The following FNBP1 variants were observed in gnomAD, a reference collection of about 807,000 sequenced individuals.
The protein encoded by FNBP1 is formin-binding protein 1.
FNBP1 carries 26 observed loss-of-function variants against 90.6 expected under a neutral mutation model. The ratio of observed to expected loss-of-function variants is 0.29; its 90% CI spans 0.21 to 0.40. FNBP1 has a LOEUF of 0.40. FNBP1 is among the 10% of genes least tolerant of loss of function. FNBP1 has a pLI of 1.00. For missense variants in FNBP1, 635 were observed against 768.0 expected (o/e 0.83, Z 2.05); for synonymous variants, 260 against 265.2 (o/e 0.98, Z 0.19).
chr9:129,973,563 C>T (rs971846702), intron 4 of FNBP1, among the ~76,000 whole-genome samples: 1 of 152,030 alleles, frequency 6.6e-6, no homozygotes, highest in East Asian at 1.9e-4. Flanking sequence ...TGCAGTGGCG[C>T]GATCTCGGCT....
chr9:130,017,076 T>C (rs1299382561), intron 1 of FNBP1, among the ~76,000 whole-genome samples: 1 of 151,454 alleles, frequency 6.6e-6, no homozygotes, highest in Admixed American at 6.6e-5. Context: ...CAAGACCCCA[T>C]CTCTTTTAAA....
intron 1 of FNBP1, among the ~76,000 whole-genome samples, chr9:129,998,051 C>T (rs1310546762): frequency 6.6e-6 from 1 of 151,008 alleles, no homozygotes; most frequent in Non-Finnish European, 1.5e-5. Context: ...CAAAAATTTG[C>T]CAGGCATGGT....
At chr9:129,946,826 T>C (rs566522234) in intron 6 of FNBP1, among the ~76,000 whole-genome samples, 248 of 152,354 alleles carry the variant, frequency 1.6e-3, no homozygotes, top group Non-Finnish European at 3.0e-3. Context: ...AAGGGAATTA[T>C]TCATTGCCTG....
rs938688758 is a variant in FNBP1, at chr9:129,902,947, G to A, written c.1350C>T (p.Asp450=). The A allele has an allele frequency of 6.2e-7, 1 of 1,609,342 alleles. No individual in the cohort carries two copies. The highest frequency in any genetic ancestry group is 8.5e-7 in the Non-Finnish European group (1 of 1,177,626). ...DVYLKNPQMG[D]PASLDHKLAE... is the part of the protein sequence containing the mutation. ...CTAATTTGTGATCCAAACTGGCTGG[G>A]TCTCCCATCTGAGGATTCTTTAGGT... is the stretch of plus-strand genomic sequence containing the variant. The change falls in exon 13 of 17, where the codon GAC becomes GAT. Residue 450 remains aspartate (D), a synonymous_variant. Transcript: ENST00000446176.
chr9:130,043,418 G>A (rs1009669918), upstream of FNBP1, among the ~76,000 whole-genome samples: 37 of 152,332 alleles, frequency 2.4e-4, 1 homozygote, highest in African/African-American at 8.7e-4. Flanking sequence ...CTGCCAATCT[G>A]GTAATGACTT....
chr9:129,904,515 A>G (rs1015587486), intron 12 of FNBP1, among the ~76,000 whole-genome samples: 1 of 152,220 alleles, frequency 6.6e-6, no homozygotes, highest in African/African-American at 2.4e-5. Flanking sequence ...AGGCCATACA[A>G]TACAATAGAA....
intron 10 of FNBP1, among the ~76,000 whole-genome samples, chr9:129,917,554 C>A (rs971160872): frequency 6.6e-5 from 10 of 151,946 alleles, no homozygotes; most frequent in African/African-American, 2.4e-4. Flanking sequence ...AGGTTGATAT[C>A]GAACTCCTGA....
intron 1 of FNBP1, among the ~76,000 whole-genome samples, chr9:130,039,649 C>T (rs1257521563): frequency 6.7e-6 from 1 of 149,312 alleles, no homozygotes; most frequent in African/African-American, 2.5e-5. Flanking sequence ...GCACTCCAGC[C>T]TGGGCAACAA....
chr9:130,053,716 T>G, the FNBP1 span: 1 of 577,728 alleles, frequency 1.7e-6, no homozygotes, highest in Non-Finnish European at 3.1e-6. Context: ...TGGCTTCATC[T>G]CTAACTGAAA....
chr9:129,908,592 G>A (rs1026647051), intron 12 of FNBP1, among the ~76,000 whole-genome samples: 1 of 151,500 alleles, frequency 6.6e-6, no homozygotes, highest in East Asian at 1.9e-4. Flanking sequence ...TTGCTCTGTT[G>A]CCCAGGCTGG....
chr9:129,899,390 C>G (rs2036432270), intron 15 of FNBP1, among the ~76,000 whole-genome samples: 1 of 151,920 alleles, frequency 6.6e-6, no homozygotes, highest in Admixed American at 6.6e-5. Flanking sequence ...ATCTGGAAGG[C>G]TTCTAAAGAA....
chr9:129,904,160 GCA>G (rs1289362941), intron 12 of FNBP1, among the ~76,000 whole-genome samples: 3 of 152,208 alleles, frequency 2.0e-5, no homozygotes, highest in Non-Finnish European at 4.4e-5. Context: ...TGACGAAGAA[GCA>G]CAGTCAATTG....
intron 7 of FNBP1, among the ~76,000 whole-genome samples, chr9:129,927,609 TTTTC>T (rs979393624): frequency 1.3e-5 from 2 of 152,080 alleles, no homozygotes; most frequent in African/African-American, 4.8e-5. Context: ...TCTTTTTTGT[TTTTC>T]TTTTTGTTTT....
Position 129,941,553 on chromosome 9 carries a change from C to T in FNBP1, c.514-11858G>A, listed in dbSNP as rs2044328046. Among the ~76,000 whole-genome samples the T allele has an allele frequency of 2.0e-5, 3 of 152,158 alleles. No homozygotes were observed. In the South Asian group the frequency reaches 6.2e-4, roughly 31 times the overall value. Reference sequence around the variant, plus strand: ...TGATCACAGCCCGCTGCAGCCTCAACTTCCCAGGCTCAAGCAATGATCCTG... The same window carrying T: ...TGATCACAGCCCGCTGCAGCCTCAATTTCCCAGGCTCAAGCAATGATCCTG... On this transcript the variant is annotated intron_variant, in intron 6 of 16. Coordinates refer to ENST00000446176, the MANE Select transcript of FNBP1 (RefSeq NM_015033.3).
rs1167669288 is a variant in FNBP1 at position 130,031,778 on chromosome 9, C to T, written c.24+11174G>A. ...CTAGATTCAAGCGATTCTCCTGCCT[C>T]AGCCTCCCGAGTAGCTGGGATTACA... On this transcript the variant is annotated intron_variant, in intron 1 of 16. Coordinates refer to ENST00000446176, the MANE Select transcript of FNBP1 (RefSeq NM_015033.3). The surrounding 1 kb of genome is among the most constrained non-coding windows in gnomAD (Gnocchi z 4.2). Among the ~76,000 whole-genome samples the T allele has an allele frequency of 6.6e-6, 1 of 152,068 alleles. No individual in the cohort carries two copies. The highest frequency in any genetic ancestry group is 6.6e-5 in the Admixed American group (1 of 15,266).
At chr9:130,011,244 ATAT>A (rs1267724909) in intron 1 of FNBP1, among the ~76,000 whole-genome samples, 1 of 32,716 alleles carries the variant, frequency 3.1e-5, no homozygotes, top group African/African-American at 1.2e-4. Flanking sequence ...AAAAAAAAAA[ATAT>A]ATATATATAT....
chr9:129,981,108 G>A (rs2051179062), intron 2 of FNBP1, among the ~76,000 whole-genome samples: 1 of 151,146 alleles, frequency 6.6e-6, no homozygotes, highest in East Asian at 2.0e-4. Context: ...GTTTGTTTGA[G>A]ACAGAGTTTC....
rs1464318066 is a variant in FNBP1 at position 129,952,204 on chromosome 9, C to T, written c.513+5156G>A. On this transcript the variant is annotated intron_variant, in intron 6 of 16. Transcript: ENST00000446176. Reference sequence around the variant, plus strand: ...GAGACTCTATTTCAAAACAAAAAAACAAAACAAAAAACAGGCCAGGTGCGG... The same window carrying T: ...GAGACTCTATTTCAAAACAAAAAAATAAAACAAAAAACAGGCCAGGTGCGG... Among the ~76,000 whole-genome samples, 3 of 149,444 alleles carry T rather than the reference C, an allele frequency of 2.0e-5. No individual in the cohort carries two copies. The East Asian group carries it at 6.1e-4, about 30-fold the overall frequency.
chr9:129,923,941 TG>T lies in FNBP1; in HGVS notation c.1072del (p.Gln358SerfsTer18). On this transcript the variant is annotated frameshift_variant, in exon 10 of 17. Transcript: ENST00000446176. LOFTEE classifies it high-confidence loss of function. ...ASPSAVPNGP[Q>X]SPKQQKEPLS... ...GGGTTCCTTTTGCTGCTTGGGAGAC[TG>T]GGGGCCGTTGGGAACAGCAGAGGGT... 1 of 1,395,010 alleles carries T rather than the reference TG, an allele frequency of 7.2e-7. No individual in the cohort carries two copies. The highest frequency in any genetic ancestry group is 9.3e-7 in the Non-Finnish European group (1 of 1,070,072). The allele number at this position is 1,395,010 out of a possible 1,614,324, so 86.4% of individuals were successfully genotyped here.
Sources: gnomAD v4.1 joint callset for allele counts (sites outside exome capture counted in the v4.1 genomes callset) on GRCh38, gnomAD v4.1.1 for gene constraint, Gnocchi (gnomAD v3.1) non-coding constraint, MANE v1.5 for transcripts, NCBI Gene and HGNC (gene_info 2026-07-23, HGNC 2026-07-21) for gene names.